The following CERS6 variants were observed in gnomAD, a reference collection of about 807,000 sequenced individuals.
CERS6 encodes the protein LAG1 homolog, ceramide synthase 6.
A neutral mutation model predicts 56.8 loss-of-function variants in CERS6; 26 were observed. The ratio of observed to expected loss-of-function variants is 0.46; its 90% CI spans 0.34 to 0.63. The LOEUF is 0.63. CERS6 is among the 30% of genes least tolerant of loss of function. CERS6 has a pLI of 0.01. For synonymous variants in CERS6, 164 were observed against 173.3 expected (o/e 0.95, Z 0.42); for missense variants, 415 against 467.5 (o/e 0.89, Z 1.04).
intron 1 of CERS6, among the ~76,000 whole-genome samples, chr2:168,536,841 T>G (rs1456600726): frequency 6.6e-6 from 1 of 152,210 alleles, no homozygotes; most frequent in African/African-American, 2.4e-5. Flanking sequence ...TTTTTAATAT[T>G]ATTACAAGTG....
intron 8 of CERS6, 53 bp downstream of exon 8, chr2:168,718,031 C>T: frequency 7.6e-7 from 1 of 1,308,616 alleles, no homozygotes; most frequent in Non-Finnish European, 1.1e-6. Context: ...AATAAGCTTT[C>T]TGAACCATTT....
intron 1 of CERS6, among the ~76,000 whole-genome samples, chr2:168,543,258 C>T (rs17202645): frequency 0.16 from 23,558 of 151,800 alleles, 2,176 homozygotes; most frequent in South Asian, 0.35. Flanking sequence ...GTGGTGTTGC[C>T]GCCTTTGATT....
At chr2:168,749,792 A>G (rs2105443326) in intron 8 of CERS6, among the ~76,000 whole-genome samples, 1 of 152,344 alleles carries the variant, frequency 6.6e-6, no homozygotes, top group Non-Finnish European at 1.5e-5. Context: ...GGCTTTGCCC[A>G]GGAAAAAAAT....
intron 4 of CERS6, among the ~76,000 whole-genome samples, chr2:168,643,333 C>G (rs1418970410): frequency 6.6e-6 from 1 of 152,114 alleles, no homozygotes; most frequent in Non-Finnish European, 1.5e-5. Context: ...CCCTATAAAC[C>G]TAATTTATAA....
intron 1 of CERS6, among the ~76,000 whole-genome samples, chr2:168,529,458 T>A (rs1177626743): frequency 6.6e-6 from 1 of 152,226 alleles, no homozygotes; most frequent in African/African-American, 2.4e-5. Context: ...ACCAAAAGTC[T>A]TCTGTGGTAG....
At chr2:168,744,984 A>G (rs1482368659) in intron 8 of CERS6, among the ~76,000 whole-genome samples, 1 of 152,194 alleles carries the variant, frequency 6.6e-6, no homozygotes, top group Non-Finnish European at 1.5e-5. Context: ...GGCAAGCGGC[A>G]TTGCTTTTGA....
At chr2:168,609,072 T>C (rs994651418) in intron 3 of CERS6, among the ~76,000 whole-genome samples, 3 of 152,218 alleles carry the variant, frequency 2.0e-5, no homozygotes, top group Non-Finnish European at 4.4e-5. Flanking sequence ...ATCTTTTTAC[T>C]TCATTTTCCA....
intron 8 of CERS6, among the ~76,000 whole-genome samples, chr2:168,729,177 G>T (rs879602694): frequency 2.0e-5 from 3 of 152,074 alleles, no homozygotes; most frequent in South Asian, 2.1e-4. Flanking sequence ...TACCATCTAG[G>T]GAGAAAATTC....
At chr2:168,566,786 C>T (rs1188281068) in intron 3 of CERS6, among the ~76,000 whole-genome samples, 1 of 124,462 alleles carries the variant, frequency 8.0e-6, no homozygotes. Flanking sequence ...TTTTCATAAA[C>T]AGCCACCTAC....
At chr2:168,578,431 C>G (rs1469017882) in intron 3 of CERS6, among the ~76,000 whole-genome samples, 1 of 152,104 alleles carries the variant, frequency 6.6e-6, no homozygotes, top group African/African-American at 2.4e-5. Context: ...TTCTAAACTC[C>G]CTTCTCTCCT....
intron 1 of CERS6, among the ~76,000 whole-genome samples, chr2:168,510,116 T>C (rs1694752997): frequency 6.6e-6 from 1 of 151,626 alleles, no homozygotes; most frequent in South Asian, 2.1e-4. Flanking sequence ...AACCAAGTTA[T>C]CTGATACATA....
At chr2:168,528,657 A>C (rs1051263210) in intron 1 of CERS6, among the ~76,000 whole-genome samples, 1 of 3,928 alleles carries the variant, frequency 2.5e-4, no homozygotes, top group Non-Finnish European at 2.6e-3. Flanking sequence ...CTAGAGGTTC[A>C]TAGTTTTATA....
At chr2:168,501,721 T>C (rs1221230347) in intron 1 of CERS6, among the ~76,000 whole-genome samples, 1 of 152,190 alleles carries the variant, frequency 6.6e-6, no homozygotes, top group Non-Finnish European at 1.5e-5. Context: ...TCTGCTCAAC[T>C]AGCCCAGAGG....
At chr2:168,694,822 A>G in intron 5 of CERS6, 137 bp from the exon 6 acceptor site, 1 of 643,932 alleles carries the variant, frequency 1.6e-6, no homozygotes, top group Non-Finnish European at 2.7e-6. Flanking sequence ...CATCATCTAC[A>G]AAAAGAATAG....
chr2:168,500,659 A>T (rs755634518), intron 1 of CERS6, among the ~76,000 whole-genome samples: 9 of 152,196 alleles, frequency 5.9e-5, no homozygotes, highest in Non-Finnish European at 1.2e-4. Flanking sequence ...AAACATTAAA[A>T]CTATTTAAAG....
chr2:168,593,232 C>T (rs1001248957), intron 3 of CERS6, among the ~76,000 whole-genome samples: 2 of 152,164 alleles, frequency 1.3e-5, no homozygotes, highest in Admixed American at 1.3e-4. Flanking sequence ...TTTAATCACA[C>T]CAGCAAAGCC....
chr2:168,529,722 C>T (rs894198494), intron 1 of CERS6, among the ~76,000 whole-genome samples: 1 of 152,188 alleles, frequency 6.6e-6, no homozygotes, highest in African/African-American at 2.4e-5. Flanking sequence ...ATCTTTTCCT[C>T]ATTTGTGAAG....
chr2:168,511,372 G>A (rs1179167560), intron 1 of CERS6, among the ~76,000 whole-genome samples: 1 of 152,184 alleles, frequency 6.6e-6, no homozygotes, highest in Non-Finnish European at 1.5e-5. Flanking sequence ...CTAATTGGAA[G>A]ATTCTGGGCA....
rs1170724464 is a variant in CERS6 at position 168,771,584 on chromosome 2, T to C, written c.*1922T>C. ...TCCAGAACATCTGCTAAAATGCAAG[T>C]ATATGTATAAGGTAATAGCATATTA... On this transcript the variant is annotated 3_prime_UTR_variant, in exon 10 of 10. Transcript: ENST00000305747. 1.3e-5 allele frequency: 2 copies of C among 152,222 alleles called. No homozygotes were observed. The highest frequency in any genetic ancestry group is 2.4e-5 in the African/African-American group (1 of 41,466). The allele number at this position is 152,222 out of a possible 1,614,324, so 9.4% of individuals were successfully genotyped here.
Sources: allele counts gnomAD v4.1 joint callset (sites outside exome capture counted in the v4.1 genomes callset), GRCh38; gene constraint gnomAD v4.1.1; transcripts MANE v1.5; gene names NCBI Gene and HGNC (gene_info 2026-07-23, HGNC 2026-07-21).